EFCAB5: variants seen among roughly 807,000 people sequenced by gnomAD.
EFCAB5 encodes EF-hand calcium-binding domain-containing protein 5.
Under a neutral mutation model 167.9 loss-of-function variants are expected in EFCAB5, and 131 were observed. The ratio of observed to expected loss-of-function variants is 0.78; its 90% CI spans 0.68 to 0.90. The LOEUF (loss-of-function observed/expected upper bound fraction) is 0.90, where lower values mean the gene tolerates loss of function less well. Ranked by LOEUF, EFCAB5 falls within the 40% of genes least tolerant of loss-of-function variation. The pLI is 0.00. For synonymous variants in EFCAB5, 574 were observed against 602.8 expected (o/e 0.95, Z 0.70); for missense variants, 1,663 against 1,745.2 (o/e 0.95, Z 0.84).
chr17:30,054,051 A>G lies in EFCAB5; in HGVS notation c.2097A>G (p.Glu699=), dbSNP rs756574322. 6.6e-5 allele frequency: 106 copies of G among 1,602,178 alleles called. No homozygotes were observed. Among genetic ancestry groups the G allele is most frequent in the Admixed American group, 4.3e-4 (25 of 57,526 alleles). ...AGTACATTGAAGTCCCTCTACAGGA[A>G]AAGAGGTCTTGGGAACAAACATATG... ...TSEYIEVPLQ[E]KRSWEQTYEE... The change falls in exon 10 of 23, where the codon GAA becomes GAG. Residue 699 remains glutamate (E), a synonymous_variant. Transcript: ENST00000394835.
At chr17:29,932,449 C>CTT (rs35262851) in intron 1 of EFCAB5, among the ~76,000 whole-genome samples, 1,018 of 66,728 alleles carry the variant, frequency 0.015, 43 homozygotes, top group East Asian at 0.031. Context: ...CTGTGCCCGG[C>CTT]TTTTTTTTTT....
At chr17:30,014,312 A>G (rs1288233938) in intron 7 of EFCAB5, among the ~76,000 whole-genome samples, 2 of 152,312 alleles carry the variant, frequency 1.3e-5, no homozygotes. Context: ...GTAGATGTCT[A>G]TTAGGTCTGC....
intron 4 of EFCAB5, among the ~76,000 whole-genome samples, chr17:29,990,402 C>T (rs1156290908): frequency 6.6e-6 from 1 of 151,898 alleles, no homozygotes; most frequent in Non-Finnish European, 1.5e-5. Flanking sequence ...TCCCCATTTC[C>T]ACATATGGCA....
chr17:30,079,622 GT>G (rs2070942048), intron 15 of EFCAB5, among the ~76,000 whole-genome samples: 1 of 152,152 alleles, frequency 6.6e-6, no homozygotes, highest in South Asian at 2.1e-4. Flanking sequence ...TGTGTTAAGA[GT>G]TCCTCGAGAG....
chr17:30,088,792 C>T (rs1259638301), intron 19 of EFCAB5, among the ~76,000 whole-genome samples: 3 of 152,200 alleles, frequency 2.0e-5, no homozygotes, highest in African/African-American at 7.2e-5. Context: ...CATTTAATTA[C>T]ATATGTCAAT....
At position 29,969,285 on chromosome 17, in the gene EFCAB5, C is replaced by G. The variant is rs770026110; in HGVS notation, c.685C>G (p.Pro229Ala). The G allele has an allele frequency of 1.2e-6, 2 of 1,613,026 alleles. No individual in the cohort carries two copies. The highest frequency in any genetic ancestry group is 1.7e-6 in the Non-Finnish European group (2 of 1,179,642). The change falls in exon 4 of 23, where the codon CCA becomes GCA. Residue 229 changes from proline (P) to alanine (A), a missense_variant. Pro to Ala is a conservative substitution (Grantham distance 27). Transcript: ENST00000394835. ...IRNNPNYIKD[P>A]GMSGYQRLMK... The stretch of plus-strand genomic sequence containing the variant: ...AAACAATCCTAATTATATCAAAGAC[C>G]CAGGAATGTCTGGTTACCAGAGGTT...
chr17:29,975,520 G>A (rs973570451), intron 4 of EFCAB5, among the ~76,000 whole-genome samples: 10 of 152,160 alleles, frequency 6.6e-5, no homozygotes, highest in Admixed American at 3.3e-4. Flanking sequence ...GCCTCCCAAA[G>A]TGCTGGAATT....
chr17:30,034,562 A>G (rs911896567), intron 8 of EFCAB5, among the ~76,000 whole-genome samples, 177 bp downstream of exon 8: 9 of 152,178 alleles, frequency 5.9e-5, no homozygotes, highest in African/African-American at 2.2e-4. Flanking sequence ...TTACTGAAAT[A>G]TATTTGTTTA....
At chr17:30,023,616 G>A (rs1369524822) in intron 7 of EFCAB5, among the ~76,000 whole-genome samples, 1 of 151,982 alleles carries the variant, frequency 6.6e-6, no homozygotes, top group African/African-American at 2.4e-5. Context: ...GGAGGAACTG[G>A]TACCATTCCT....
In EFCAB5 at chr17:30,056,128, C is replaced by A; in HGVS notation, c.2337C>A (p.Asn779Lys). ...CATTTGAAGATGAGGAACAGGCAAA[C>A]TTAATCTATGGTAACTCCAGGTTCA... ...YVTFEDEEQA[N>K]LIYGNSRFTD... The change falls in exon 12 of 23, where the codon AAC becomes AAA. Residue 779 changes from asparagine (N) to lysine (K), a missense_variant. Asn to Lys is a moderately conservative substitution (Grantham distance 94, BLOSUM62 0). Transcript: ENST00000394835. 1 of 1,611,548 alleles carries A rather than the reference C, an allele frequency of 6.2e-7. No homozygotes were observed. Among genetic ancestry groups the A allele is most frequent in the Non-Finnish European group, 8.5e-7 (1 of 1,178,684 alleles).
At chr17:29,944,590 TTTG>T (rs2067357622) in intron 3 of EFCAB5, among the ~76,000 whole-genome samples, 1 of 151,734 alleles carries the variant, frequency 6.6e-6, no homozygotes, top group Non-Finnish European at 1.5e-5. Flanking sequence ...GTTTTTGGGT[TTTG>T]TTGTTGTTTT....
chr17:29,964,398 A>G (rs927204369), intron 3 of EFCAB5, among the ~76,000 whole-genome samples: 13 of 151,934 alleles, frequency 8.6e-5, no homozygotes, highest in African/African-American at 3.1e-4. Context: ...GGGTTCAAGC[A>G]ATTCTCCTGC....
chr17:30,064,581 A>G (rs1010477949), intron 14 of EFCAB5, among the ~76,000 whole-genome samples: 1 of 152,216 alleles, frequency 6.6e-6, no homozygotes, highest in Admixed American at 6.5e-5. Flanking sequence ...AGAGAAGGGA[A>G]AAGATGTTGA....
chr17:30,010,376 T>G (rs769001413), intron 7 of EFCAB5, among the ~76,000 whole-genome samples: 4 of 152,174 alleles, frequency 2.6e-5, no homozygotes, highest in Non-Finnish European at 5.9e-5. Flanking sequence ...CTTGAAGAAT[T>G]GCCACACTGT....
Position 29,969,040 on chromosome 17 carries a change from C to CT in EFCAB5, c.441dup (p.Glu148Ter), listed in dbSNP as rs1031409403. 1 of 1,597,630 alleles carries CT rather than the reference C, an allele frequency of 6.3e-7. No individual in the cohort carries two copies. The highest frequency in any genetic ancestry group is 8.5e-7 in the Non-Finnish European group (1 of 1,173,562). ...CTGAAGAAGGAACTAGAAAAAAAGG[C>CT]TGAAAAAAAACTCCCTAGGGATAAT... is the stretch of plus-strand genomic sequence containing the variant. On this transcript the variant is annotated frameshift_variant, in exon 4 of 23. Coordinates refer to ENST00000394835, the MANE Select transcript of EFCAB5 (RefSeq NM_198529.4). LOFTEE classifies it high-confidence loss of function.
intron 8 of EFCAB5, among the ~76,000 whole-genome samples, chr17:30,034,842 A>C (rs1277025990): frequency 6.6e-6 from 1 of 152,216 alleles, no homozygotes; most frequent in Admixed American, 6.5e-5. Context: ...ACACACTATT[A>C]ACAATGTTTA....
At chr17:30,047,960 A>G (rs1473082077) in intron 8 of EFCAB5, among the ~76,000 whole-genome samples, 3 of 152,320 alleles carry the variant, frequency 2.0e-5, no homozygotes. Context: ...GGCTTTACTC[A>G]AAGGGCCTGT....
intron 3 of EFCAB5, among the ~76,000 whole-genome samples, chr17:29,947,265 C>T (rs912601863): frequency 5.3e-5 from 8 of 151,684 alleles, no homozygotes; most frequent in Non-Finnish European, 5.9e-5. Context: ...TCTTTTCCAA[C>T]GACTTGGATG....
chr17:29,997,812 A>G (rs2068578942), intron 6 of EFCAB5, among the ~76,000 whole-genome samples: 1 of 152,162 alleles, frequency 6.6e-6, no homozygotes, highest in African/African-American at 2.4e-5. Flanking sequence ...TGTGGCAATA[A>G]AAATTCACCC....
Sources: allele counts gnomAD v4.1 joint callset (sites outside exome capture counted in the v4.1 genomes callset), GRCh38; gene constraint gnomAD v4.1.1; transcripts MANE v1.5; gene names NCBI Gene and HGNC (gene_info 2026-07-23, HGNC 2026-07-21).